The following MAP1B variants were observed in gnomAD, a reference collection of about 807,000 sequenced individuals.
MAP1B encodes microtubule associated protein 1B, also known as microtubule-associated protein 1B.
In MAP1B, 12 loss-of-function variants were observed where a neutral mutation model predicts 176.1. That is an observed-to-expected ratio of 0.07 (90% CI 0.04 to 0.11). MAP1B has a LOEUF of 0.11. Among genes scored for constraint, MAP1B ranks in the 10% least tolerant of loss-of-function variants. The pLI is 1.00. For missense variants in MAP1B, 2,523 were observed against 2,990.5 expected (o/e 0.84, Z 3.65); for synonymous variants, 1,044 against 1,135.0 (o/e 0.92, Z 1.61).
At chr5:72,124,677 C>A (rs548147205) in intron 2 of MAP1B, among the ~76,000 whole-genome samples, 5 of 152,212 alleles carry the variant, frequency 3.3e-5, no homozygotes, top group Non-Finnish European at 5.9e-5. Flanking sequence ...TCTAAACACG[C>A]ACTTTGCCAT....
intron 2 of MAP1B, among the ~76,000 whole-genome samples, chr5:72,164,347 C>G (rs1746387829): frequency 6.6e-6 from 1 of 152,098 alleles, no homozygotes; most frequent in Admixed American, 6.6e-5. Flanking sequence ...ATAATCTAGG[C>G]CAGGACTGTG....
chr5:72,197,531 A>G lies in MAP1B; in HGVS notation c.4176A>G (p.Glu1392=). 1.2e-6 allele frequency: 2 copies of G among 1,614,186 alleles called. No homozygotes were observed. Among genetic ancestry groups the G allele is most frequent in the Non-Finnish European group, 1.7e-6 (2 of 1,180,032 alleles). ...EPVPDSESPI[E]KVLSPLRSPP... is the part of the protein sequence containing the mutation. ...TGCCTGACTCAGAGTCTCCTATTGA[A>G]AAAGTTTTGTCTCCTTTACGCAGCC... Residue 1392 remains glutamate, a synonymous_variant, in exon 5 of 7, where the codon GAA becomes GAG. Transcript: ENST00000296755.
chr5:72,193,833 T>TTTTC lies in MAP1B; in HGVS notation c.511-13_511-10dup, dbSNP rs367932308. The TTTTC allele has an allele frequency of 2.3e-4, 352 of 1,536,120 alleles. 3 individuals are homozygous for TTTTC. In the Middle Eastern group the frequency reaches 2.5e-3, roughly 11 times the overall value. On this transcript the variant is annotated intron_variant, in intron 4 of 6. Transcript: ENST00000296755. ...ATCAGTGATGATAATCACTTACACCTTTTCTTTCTTTCTTTCTTTCTTTAA... is the reference window on the plus strand; with the variant it reads ...ATCAGTGATGATAATCACTTACACCTTTTCTTTCTTTCTTTCTTTCTTTCTTTAA...
chr5:72,164,119 C>T (rs546666401), intron 2 of MAP1B, among the ~76,000 whole-genome samples: 10 of 151,694 alleles, frequency 6.6e-5, no homozygotes, highest in African/African-American at 2.4e-4. Context: ...TTTGTAGAGG[C>T]AGAGTCTTGT....
intron 2 of MAP1B, among the ~76,000 whole-genome samples, chr5:72,147,059 C>T (rs146587480): frequency 1.3e-4 from 20 of 150,394 alleles, no homozygotes; most frequent in Admixed American, 2.7e-4. Context: ...CTCCCAGGTT[C>T]AAGCAATTCT....
intron 2 of MAP1B, among the ~76,000 whole-genome samples, chr5:72,175,895 T>C (rs990343029): frequency 1.3e-5 from 2 of 152,240 alleles, no homozygotes; most frequent in African/African-American, 4.8e-5. Context: ...GTTGTCTAAC[T>C]CACAAGCAAT....
intron 1 of MAP1B, among the ~76,000 whole-genome samples, chr5:72,115,421 A>T (rs1288099496): frequency 6.6e-6 from 1 of 151,980 alleles, no homozygotes; most frequent in East Asian, 1.9e-4. Context: ...TTTTCCTAAC[A>T]ACTGTTTTCT....
At chr5:72,202,677 G>A (rs1747357664) in intron 5 of MAP1B, among the ~76,000 whole-genome samples, 1 of 152,308 alleles carries the variant, frequency 6.6e-6, no homozygotes, top group Non-Finnish European at 1.5e-5. Context: ...AGAGAATGAG[G>A]CCTGGGTGTC....
Position 72,107,676 on chromosome 5 carries a change from G to A in MAP1B, c.145G>A (p.Glu49Lys), listed in dbSNP as rs1274199212. The A allele has an allele frequency of 2.5e-6, 4 of 1,600,024 alleles. No homozygotes were observed. The highest frequency in any genetic ancestry group is 1.1e-5 in the South Asian group (1 of 91,014). Residue 49 changes from glutamate (E) to lysine (K), a missense_variant, in exon 1 of 7, where the codon GAG (glutamate) becomes AAG (lysine). Around this residue, in one of 4 missense-constraint regions of MAP1B, gnomAD observed 307 missense variants for 438.4 expected, o/e 0.70. Coordinates refer to ENST00000296755, the MANE Select transcript of MAP1B (RefSeq NM_005909.5). ...LLVVVGEIVT[E>K]EHLRRAIGNI... ...GGTGGTCGTCGGCGAGATCGTGACC[G>A]AGGAGCACCTGCGGCGTGCCATCGG...
Position 72,198,016 on chromosome 5 carries a change from C to T in MAP1B, c.4661C>T (p.Thr1554Ile). ...ATGGAGGGTGTGGCCTCAGTGTCCA[C>T]AGCCTCAGTGGCTACGAGCTCATTT... is the stretch of plus-strand genomic sequence containing the variant. ...SHMEGVASVS[T>I]ASVATSSFPE... is the part of the protein sequence containing the mutation. Residue 1554 changes from threonine to isoleucine, a missense_variant, in exon 5 of 7, where the codon ACA (threonine) becomes ATA (isoleucine). Physicochemically the swap from Thr to Ile is moderately conservative, Grantham distance 89. This residue lies in a region of MAP1B where 1,925 missense variants were observed against 2,126.0 expected (regional missense o/e 0.91). Transcript: ENST00000296755. 6.2e-7 allele frequency: 1 copy of T among 1,614,202 alleles called. No individual in the cohort carries two copies. Among genetic ancestry groups the T allele is most frequent in the African/African-American group, 1.3e-5 (1 of 75,054 alleles).
At chr5:72,156,154 A>G (rs1364910514) in intron 2 of MAP1B, among the ~76,000 whole-genome samples, 1 of 151,742 alleles carries the variant, frequency 6.6e-6, no homozygotes, top group Non-Finnish European at 1.5e-5. Context: ...CTTCAGAAAC[A>G]CTGGTTTTCC....
At position 72,199,590 on chromosome 5, in the gene MAP1B, G is replaced by T; in HGVS notation, c.6235G>T (p.Asp2079Tyr). Reference protein sequence around the residue: ...EKKSPSEARQDVDLCLVSSCE... With the variant: ...EKKSPSEARQYVDLCLVSSCE... ...GAAGTCCCCCTCAGAAGCCCGTCAG[G>T]ATGTCGATTTATGCCTCGTGTCCTC... Residue 2079 changes from aspartate to tyrosine, a missense_variant, in exon 5 of 7, where the codon GAT becomes TAT. By Grantham distance (160) the Asp-to-Tyr change is radical. Transcript: ENST00000296755. This position sits in a 1 kb window ranked among gnomAD's most constrained non-coding sequence, Gnocchi z 4.2. The T allele has an allele frequency of 6.2e-7, 1 of 1,614,164 alleles. No individual in the cohort carries two copies. The highest frequency in any genetic ancestry group is 1.1e-5 in the South Asian group (1 of 91,078).
intron 2 of MAP1B, among the ~76,000 whole-genome samples, chr5:72,144,221 C>A (rs1279744303): frequency 6.6e-6 from 1 of 152,092 alleles, no homozygotes; most frequent in East Asian, 1.9e-4. Flanking sequence ...AATCTAGTCA[C>A]TAAGCTTGTT....
chr5:72,135,675 A>G (rs377194487), intron 2 of MAP1B, among the ~76,000 whole-genome samples: 2 of 152,202 alleles, frequency 1.3e-5, no homozygotes, highest in South Asian at 2.1e-4. Context: ...GAATGTTCCT[A>G]GCATCTAGTT....
intron 2 of MAP1B, among the ~76,000 whole-genome samples, chr5:72,122,959 G>GT (rs534097352): frequency 7.5e-4 from 114 of 151,964 alleles, no homozygotes; most frequent in South Asian, 1.7e-3. Context: ...TTTTTTAAAG[G>GT]TTTTTTTTAA....
rs924146154 is a variant in MAP1B, at chr5:72,207,345, G to T, written c.*2106G>T. 3.9e-5 allele frequency: 6 copies of T among 152,204 alleles called. 1 individual carries two copies. In the South Asian group the frequency reaches 1.2e-3, roughly 32 times the overall value. 9.4% of individuals were successfully genotyped at this position (152,204 alleles called of 1,614,324 possible). A position where few individuals can be genotyped will look rare whatever the true frequency, so the allele number is the denominator to read the frequency against. The stretch of plus-strand genomic sequence containing the variant: ...TATTTATTTCAAAATTAACATTTTA[G>T]TTGATTTTTGTCTGATAAGTCTATG... On this transcript the variant is annotated 3_prime_UTR_variant, in exon 7 of 7. Transcript: ENST00000296755.
At chr5:72,115,171 C>A (rs1745410078) in intron 1 of MAP1B, among the ~76,000 whole-genome samples, 1 of 152,028 alleles carries the variant, frequency 6.6e-6, no homozygotes, top group African/African-American at 2.4e-5. Flanking sequence ...AAGTCAAAAA[C>A]GGGATTGGTA....
intron 2 of MAP1B, among the ~76,000 whole-genome samples, chr5:72,124,972 C>G (rs984062914): frequency 6.6e-6 from 1 of 152,158 alleles, no homozygotes; most frequent in African/African-American, 2.4e-5. Context: ...AATTAAAGAT[C>G]AAATAAGTTC....
intron 2 of MAP1B, among the ~76,000 whole-genome samples, chr5:72,146,377 C>A (rs552890262): frequency 1.3e-5 from 2 of 152,324 alleles, no homozygotes; most frequent in South Asian, 4.2e-4. Context: ...CTTTCTCAGA[C>A]GTAGCCAGTG....
Sources: allele counts gnomAD v4.1 joint callset (sites outside exome capture counted in the v4.1 genomes callset), GRCh38; gene constraint gnomAD v4.1.1; regional missense constraint gnomAD v4.1.1; non-coding constraint Gnocchi (gnomAD v3.1); transcripts MANE v1.5; gene names NCBI Gene and HGNC (gene_info 2026-07-23, HGNC 2026-07-21).